Variants in CA1 observed in about 807,000 individuals in gnomAD.
CA1 encodes the protein carbonic anhydrase 1.
In CA1, 27 loss-of-function variants were observed where a neutral mutation model predicts 28.8. The ratio of observed to expected loss-of-function variants is 0.94; its 90% CI spans 0.69 to 1.29. The LOEUF (loss-of-function observed/expected upper bound fraction) is 1.29. Among genes scored for constraint, CA1 ranks in the 50% most tolerant of loss-of-function variants. CA1 has a pLI of 0.00. For missense variants in CA1, 335 were observed against 310.5 expected (o/e 1.08, Z -0.59); for synonymous variants, 121 against 108.8 (o/e 1.11, Z -0.70).
chr8:85,339,120 A>G (rs1399983810), intron 2 of CA1, among the ~76,000 whole-genome samples: 4 of 152,198 alleles, frequency 2.6e-5, no homozygotes, highest in Non-Finnish European at 4.4e-5. Context: ...ATTATTAGCA[A>G]TAGATTTCTA....
intron 3 of CA1, 129 bp from the exon 4 acceptor site, chr8:85,337,192 A>G (rs1808697371): frequency 4.2e-6 from 3 of 713,516 alleles, no homozygotes; most frequent in East Asian, 5.2e-5. Context: ...CTAAACTTTC[A>G]TCTTGTTTTC....
At chr8:85,331,710 G>A (rs779234737) in intron 6 of CA1, among the ~76,000 whole-genome samples, 1 of 152,026 alleles carries the variant, frequency 6.6e-6, no homozygotes, top group Non-Finnish European at 1.5e-5. Flanking sequence ...TACCCGCCTC[G>A]GCCTCCCAAA....
At chr8:85,346,040 A>G (rs890053444) in intron 1 of CA1, among the ~76,000 whole-genome samples, 5 of 152,198 alleles carry the variant, frequency 3.3e-5, no homozygotes, top group Non-Finnish European at 5.9e-5. Context: ...CACAGTTGTT[A>G]AATCTGCTAA....
At position 85,336,934 on chromosome 8, in the gene CA1, A is replaced by G; in HGVS notation, c.354+11T>C. On this transcript the variant is annotated intron_variant, in intron 4 of 7. Transcript: ENST00000523022. ...CAGGGTAATTATCTCTCACTTACTA[A>G]ATTACATTACCTCGGCAGAATATTT... 1.3e-6 allele frequency: 2 copies of G among 1,508,732 alleles called. No individual in the cohort carries two copies. Among genetic ancestry groups the G allele is most frequent in the South Asian group, 2.2e-5 (2 of 88,998 alleles). 93.5% of individuals were successfully genotyped at this position (1,508,732 alleles called of 1,614,324 possible).
intron 1 of CA1, among the ~76,000 whole-genome samples, chr8:85,358,867 A>G (rs1809696879): frequency 6.6e-6 from 1 of 152,226 alleles, no homozygotes; most frequent in Admixed American, 6.5e-5. Flanking sequence ...GCTGAAATTC[A>G]GCCACCCAGC....
chr8:85,364,941 A>C (rs370161926), intron 1 of CA1, among the ~76,000 whole-genome samples: 7 of 152,294 alleles, frequency 4.6e-5, no homozygotes, highest in African/African-American at 1.7e-4. Context: ...CTCAGCTTCT[A>C]GACGGTACTG....
intron 6 of CA1, 200 bp downstream of exon 6, chr8:85,332,290 A>G (rs531847380): frequency 7.2e-6 from 4 of 556,922 alleles, no homozygotes; most frequent in South Asian, 2.3e-5. Context: ...AACCATAACT[A>G]TGAAAAACAG....
intron 1 of CA1, among the ~76,000 whole-genome samples, chr8:85,360,503 G>A (rs376143691): frequency 6.6e-5 from 10 of 152,136 alleles, no homozygotes; most frequent in East Asian, 3.9e-4. Context: ...ACCAGCCCGG[G>A]CAACATGGCA....
At chr8:85,344,931 C>T (rs1809118110) in intron 1 of CA1, among the ~76,000 whole-genome samples, 2 of 152,142 alleles carry the variant, frequency 1.3e-5, no homozygotes, top group Non-Finnish European at 2.9e-5. Flanking sequence ...TTTGGCCTGA[C>T]TCTCACATTG....
intron 1 of CA1, among the ~76,000 whole-genome samples, chr8:85,361,651 C>T (rs942692591): frequency 3.9e-5 from 6 of 152,080 alleles, no homozygotes; most frequent in Admixed American, 3.3e-4. Context: ...TCCCTGGGTG[C>T]AATGTGAGAT....
intron 1 of CA1, 29 bp downstream of exon 1, chr8:85,378,017 G>A (rs995398987): frequency 6.6e-6 from 1 of 152,178 alleles, no homozygotes; most frequent in Non-Finnish European, 1.5e-5. Context: ...TGCTCAGCTA[G>A]ATGAAAGGCA....
intron 1 of CA1, among the ~76,000 whole-genome samples, chr8:85,355,242 C>T (rs1809558838): frequency 6.6e-6 from 1 of 152,114 alleles, no homozygotes; most frequent in African/African-American, 2.4e-5. Context: ...ACTGTAGCTG[C>T]AAAGGAAGAA....
chr8:85,366,820 A>G (rs1375732136), intron 1 of CA1, among the ~76,000 whole-genome samples: 3 of 152,344 alleles, frequency 2.0e-5, no homozygotes, highest in East Asian at 3.9e-4. Flanking sequence ...CTGATTTTGC[A>G]TATAAAATTT....
intron 4 of CA1, among the ~76,000 whole-genome samples, chr8:85,335,425 T>C (rs1808610036): frequency 6.6e-6 from 1 of 152,178 alleles, no homozygotes; most frequent in Admixed American, 6.5e-5. Context: ...ATTATCTAGA[T>C]TCTCTATATA....
chr8:85,365,126 G>T (rs1809954679), intron 1 of CA1, among the ~76,000 whole-genome samples: 1 of 152,202 alleles, frequency 6.6e-6, no homozygotes, highest in African/African-American at 2.4e-5. Context: ...ATTAGTTATG[G>T]CATCACCGGT....
intron 1 of CA1, among the ~76,000 whole-genome samples, chr8:85,367,724 CT>C (rs1810063899): frequency 6.6e-6 from 1 of 152,156 alleles, no homozygotes; most frequent in Admixed American, 6.5e-5. Context: ...AGAGCCACTG[CT>C]TTAGAAATAT....
chr8:85,376,972 T>C (rs1430047387), intron 1 of CA1, among the ~76,000 whole-genome samples: 1 of 152,136 alleles, frequency 6.6e-6, no homozygotes, highest in Non-Finnish European at 1.5e-5. Context: ...CATAAGTGGA[T>C]TTACAATACT....
chr8:85,377,204 G>C (rs755186607), intron 1 of CA1, among the ~76,000 whole-genome samples: 7 of 152,106 alleles, frequency 4.6e-5, no homozygotes, highest in African/African-American at 7.2e-5. Context: ...ATTTTCTTCA[G>C]TCTATACACA....
At chr8:85,337,174 A>T (rs1808695359) in intron 3 of CA1, 111 bp from the exon 4 acceptor site, 1 of 754,200 alleles carries the variant, frequency 1.3e-6, no homozygotes, top group South Asian at 1.4e-5. Context: ...GAAAACAAAC[A>T]TTAGTGCCTA....
Sources: allele counts gnomAD v4.1 joint callset (sites outside exome capture counted in the v4.1 genomes callset), GRCh38; gene constraint gnomAD v4.1.1; transcripts MANE v1.5; gene names NCBI Gene and HGNC (gene_info 2026-07-23, HGNC 2026-07-21).